Variants in PAH observed in about 807,000 individuals in gnomAD.
PAH encodes the protein phenylalanine hydroxylase.
Under a neutral mutation model 62.0 loss-of-function variants are expected in PAH, and 64 were observed. That is an observed-to-expected ratio of 1.03 (90% CI 0.84 to 1.27). The LOEUF (loss-of-function observed/expected upper bound fraction) is 1.27. Ranked by LOEUF, PAH falls within the 50% of genes most tolerant of loss-of-function variation. The pLI is 0.00. For missense variants in PAH, 579 were observed against 542.8 expected (o/e 1.07, Z -0.66); for synonymous variants, 195 against 196.2 (o/e 0.99, Z 0.05).
intron 5 of PAH, among the ~76,000 whole-genome samples, chr12:102,863,864 C>G (rs1029776915): frequency 6.6e-6 from 1 of 152,048 alleles, no homozygotes; most frequent in Admixed American, 6.6e-5. Context: ...TTTATCTATT[C>G]CTAGATAAAA....
At chr12:102,936,143 C>T (rs1167999779) in intron 1 of PAH, among the ~76,000 whole-genome samples, 4 of 152,076 alleles carry the variant, frequency 2.6e-5, no homozygotes, top group African/African-American at 4.8e-5. Flanking sequence ...CATTGACCCA[C>T]TGGTCATTCA....
At position 102,917,059 on chromosome 12, in the gene PAH, G is replaced by A; in HGVS notation, c.60+12C>T. 2 of 1,613,834 alleles carry A rather than the reference G, an allele frequency of 1.2e-6. No individual in the cohort carries two copies. Among genetic ancestry groups the A allele is most frequent in the Non-Finnish European group, 1.7e-6 (2 of 1,179,718 alleles). On this transcript the variant is annotated intron_variant, in intron 1 of 12. Transcript: ENST00000553106. ...TTCCCCTAACTGAGCAGCTCAGGCT[G>A]CCGTGGCTCACCTGTCCAAAGTCAG...
chr12:102,943,518 T>C (rs2136765060), intron 1 of PAH, among the ~76,000 whole-genome samples: 1 of 152,250 alleles, frequency 6.6e-6, no homozygotes, highest in South Asian at 2.1e-4. Flanking sequence ...TGGAGATCTC[T>C]CAAAGGACTT....
In PAH at chr12:102,891,219, T is replaced by C. The variant is rs533418992; in HGVS notation, c.352+3516A>G. Among the ~76,000 whole-genome samples the C allele has an allele frequency of 4.6e-5, 7 of 152,282 alleles. No individual in the cohort carries two copies. The East Asian group carries it at 1.4e-3, about 29-fold the overall frequency. ...TGTCCCTCTATTCTACTTACCTGGG[T>C]GTGTCTTCCCCTTTGCCAGGCTGTG... is the stretch of plus-strand genomic sequence containing the variant. On this transcript the variant is annotated intron_variant, in intron 3 of 12. Coordinates refer to ENST00000553106, the MANE Select transcript of PAH (RefSeq NM_000277.3).
At chr12:102,904,808 C>T (rs924395459) in intron 2 of PAH, 11 of 483,832 alleles carry the variant, frequency 2.3e-5, no homozygotes, top group Middle Eastern at 3.3e-4. Context: ...TGTAAACACC[C>T]GAGTAGACTA....
chr12:102,853,006 C>G (rs529815654), intron 6 of PAH, 56 bp from the exon 7 acceptor site: 1 of 1,597,814 alleles, frequency 6.3e-7, no homozygotes, highest in African/African-American at 1.3e-5. Context: ...GTCAGAGGCA[C>G]TAGGAGACCT....
intron 5 of PAH, among the ~76,000 whole-genome samples, chr12:102,861,299 T>G (rs1239481476): frequency 6.6e-6 from 1 of 152,172 alleles, no homozygotes; most frequent in Non-Finnish European, 1.5e-5. Context: ...TCACACCAGT[T>G]AGAATGGCGA....
At chr12:102,941,107 T>C (rs1331070789) in intron 1 of PAH, among the ~76,000 whole-genome samples, 2 of 152,194 alleles carry the variant, frequency 1.3e-5, no homozygotes, top group Admixed American at 6.5e-5. Context: ...AAAACTCTTT[T>C]CAGACAAGCA....
At chr12:102,915,012 A>G (rs1158257218) in intron 1 of PAH, among the ~76,000 whole-genome samples, 2 of 152,052 alleles carry the variant, frequency 1.3e-5, no homozygotes, top group Non-Finnish European at 2.9e-5. Context: ...CTCCATCCCC[A>G]TGGCTTCTTG....
chr12:102,847,076 G>A (rs1262210443), intron 8 of PAH, 125 bp from the exon 9 acceptor site: 3 of 757,356 alleles, frequency 4.0e-6, no homozygotes, highest in Admixed American at 3.8e-5. Context: ...CATAGACCCT[G>A]AGTGTGTTAT....
At chr12:102,877,026 T>C (rs1170345563) in intron 4 of PAH, among the ~76,000 whole-genome samples, 1 of 152,194 alleles carries the variant, frequency 6.6e-6, no homozygotes, top group African/African-American at 2.4e-5. Flanking sequence ...GTTCCTTATC[T>C]GACCCGCATC....
At chr12:102,873,364 C>G (rs1321655900) in intron 4 of PAH, among the ~76,000 whole-genome samples, 1 of 152,242 alleles carries the variant, frequency 6.6e-6, no homozygotes, top group Admixed American at 6.5e-5. Context: ...CATCCACTGG[C>G]AGAATGAGTG....
intron 3 of PAH, among the ~76,000 whole-genome samples, chr12:102,887,575 C>T (rs969988084): frequency 1.3e-5 from 2 of 152,012 alleles, no homozygotes; most frequent in African/African-American, 4.8e-5. Context: ...AGAGCTCTCC[C>T]TATTGAAACT....
At position 102,904,297 on chromosome 12, in the gene PAH, C is replaced by A. The variant is rs371562151; in HGVS notation, c.168+8494G>T. Among the ~76,000 whole-genome samples the A allele has an allele frequency of 2.3e-3, 345 of 152,284 alleles. 3 individuals are homozygous for A. The South Asian group carries it at 0.034, about 15-fold the overall frequency. Reference sequence around the variant, plus strand: ...TCCTTAACCCCAATGCCATTCCATCCCTCAGGACCCCAAACCTAGGTTATC... The same window carrying A: ...TCCTTAACCCCAATGCCATTCCATCACTCAGGACCCCAAACCTAGGTTATC... On this transcript the variant is annotated intron_variant, in intron 2 of 12. Transcript: ENST00000553106.
intron 4 of PAH, among the ~76,000 whole-genome samples, chr12:102,875,380 G>A (rs545057736): frequency 6.6e-6 from 1 of 152,348 alleles, no homozygotes; most frequent in East Asian, 1.9e-4. Context: ...TGAAACGAAT[G>A]GGAAGAATGC....
chr12:102,931,111 A>G (rs1405450714), intron 1 of PAH, among the ~76,000 whole-genome samples: 1 of 152,192 alleles, frequency 6.6e-6, no homozygotes, highest in Non-Finnish European at 1.5e-5. Context: ...TTTACCTGGA[A>G]TTTGTGGCAT....
chr12:102,851,633 G>A (rs1208329586), intron 8 of PAH, 54 bp downstream of exon 8: 6 of 1,475,150 alleles, frequency 4.1e-6, no homozygotes, highest in Non-Finnish European at 5.7e-6. Flanking sequence ...CAACTCATTT[G>A]AGAAATTCAG....
chr12:102,861,444 C>T (rs1875710146), intron 5 of PAH, among the ~76,000 whole-genome samples: 1 of 152,182 alleles, frequency 6.6e-6, no homozygotes, highest in South Asian at 2.1e-4. Context: ...GGATCTATAA[C>T]TAGAACTACC....
At chr12:102,949,908 A>T (rs1253684163) in intron 1 of PAH, among the ~76,000 whole-genome samples, 2 of 152,220 alleles carry the variant, frequency 1.3e-5, no homozygotes, top group African/African-American at 2.4e-5. Flanking sequence ...AATGTATTGA[A>T]GGCACTCATT....
Sources: gnomAD v4.1 joint callset for allele counts (sites outside exome capture counted in the v4.1 genomes callset) on GRCh38, gnomAD v4.1.1 for gene constraint, MANE v1.5 for transcripts, NCBI Gene and HGNC (gene_info 2026-07-23, HGNC 2026-07-21) for gene names.